Variants in EML6 observed in about 807,000 individuals in gnomAD.
The protein encoded by EML6 is EMAP like 6, also known as echinoderm microtubule-associated protein-like 6.
Under a neutral mutation model 240.1 loss-of-function variants are expected in EML6, and 154 were observed. The observed-to-expected ratio is 0.64, with a 90% CI of 0.56 to 0.73. The LOEUF is 0.73. EML6 is among the 30% of genes least tolerant of loss of function. The pLI is 0.00. For missense variants in EML6, 2,964 were observed against 2,474.6 expected (o/e 1.20, Z -4.20); for synonymous variants, 1,148 against 899.0 (o/e 1.28, Z -4.95).
rs115888402 is a variant in EML6, at chr2:54,929,658, C to A, written c.4004+907C>A. On this transcript the variant is annotated intron_variant, in intron 28 of 41. Transcript: ENST00000356458. ...AATAAGTCTGACCTATCACTTCTTA[C>A]TATTATGTGGGGTTTTAGATGCAAA... Among the ~76,000 whole-genome samples, 951 of 151,650 alleles carry A rather than the reference C, an allele frequency of 6.3e-3. 10 individuals are homozygous for A. Among genetic ancestry groups the A allele is most frequent in the African/African-American group, 0.022 (916 of 41,302 alleles).
chr2:54,969,957 G>C, intron 41 of EML6, 114 bp from the exon 42 acceptor site: 1 of 1,089,034 alleles, frequency 9.2e-7, no homozygotes, highest in Non-Finnish European at 1.4e-6. Context: ...AAGTCAAAAT[G>C]TTCAATACAT....
intron 6 of EML6, among the ~76,000 whole-genome samples, chr2:54,828,897 A>G (rs190417148): frequency 6.6e-6 from 1 of 152,348 alleles, no homozygotes; most frequent in African/African-American, 2.4e-5. Flanking sequence ...TTGTGAGCTC[A>G]CTGAGGTACA....
chr2:54,752,483 A>T (rs758330275), intron 2 of EML6, among the ~76,000 whole-genome samples: 2 of 152,180 alleles, frequency 1.3e-5, no homozygotes, highest in Non-Finnish European at 2.9e-5. Context: ...GATAACCACT[A>T]TTCTGACTCC....
chr2:54,747,056 A>G (rs1195587018), intron 2 of EML6: 1 of 152,240 alleles, frequency 6.6e-6, no homozygotes, highest in Non-Finnish European at 1.5e-5. Flanking sequence ...GCTCATTCAA[A>G]TCTTCATTTG....
intron 7 of EML6, among the ~76,000 whole-genome samples, chr2:54,840,810 C>G (rs1446259920): frequency 6.6e-6 from 1 of 152,212 alleles, no homozygotes; most frequent in Non-Finnish European, 1.5e-5. Flanking sequence ...TTCTATTCTA[C>G]TGAGAGGAAG....
chr2:54,818,098 A>G (rs115058881), intron 4 of EML6, among the ~76,000 whole-genome samples: 2,187 of 152,284 alleles, frequency 0.014, 33 homozygotes, highest in Non-Finnish European at 0.02. Flanking sequence ...GTCATTTTAT[A>G]TAGTCTGACC....
In EML6 at chr2:54,892,656, G is replaced by A; in HGVS notation, c.2742G>A (p.Lys914=). The change falls in exon 19 of 42, where the codon AAG becomes AAA. Residue 914 remains lysine (K), a splice_region_variant and synonymous_variant. Coordinates refer to ENST00000356458, the MANE Select transcript of EML6 (RefSeq NM_001039753.4). ...TGTTTGCTATGTATGCACTGGATAAGGTATGGCCTGTGTATCAGCATTCAT... is the reference window on the plus strand; with the variant it reads ...TGTTTGCTATGTATGCACTGGATAAAGTATGGCCTGTGTATCAGCATTCAT... ...GPVFAMYALD[K]GFVTGGKDGI... is the part of the protein sequence containing the mutation. 2 of 1,548,624 alleles carry A rather than the reference G, an allele frequency of 1.3e-6. No individual in the cohort carries two copies. Among genetic ancestry groups the A allele is most frequent in the Non-Finnish European group, 1.7e-6 (2 of 1,145,000 alleles).
intron 3 of EML6, 29 bp downstream of exon 3, chr2:54,813,420 T>G: frequency 6.5e-7 from 1 of 1,532,060 alleles, no homozygotes; most frequent in South Asian, 1.2e-5. Context: ...TTGTTTTATT[T>G]AATGACTTCT....
intron 40 of EML6, 83 bp from the exon 41 acceptor site, chr2:54,968,585 G>A (rs2104561699): frequency 2.4e-6 from 2 of 820,714 alleles, no homozygotes; most frequent in Admixed American, 2.0e-5. Context: ...TCTGGGAGCA[G>A]GGGATTTGAG....
rs143843057 is a variant in EML6 at position 54,932,517 on chromosome 2, C to A, written c.4004+3766C>A. 7.9e-5 allele frequency among the ~76,000 whole-genome samples: 12 copies of A among 152,280 alleles called. No homozygotes were observed. The Middle Eastern group carries it at 0.024, about 302-fold the overall frequency. On this transcript the variant is annotated intron_variant, in intron 28 of 41. Coordinates refer to ENST00000356458, the MANE Select transcript of EML6 (RefSeq NM_001039753.4). ...AAGTGCCACGCCCCAACCTGACACACCTCTTACTCTCAACTTTTGACCTTA... is the reference window on the plus strand; with the variant it reads ...AAGTGCCACGCCCCAACCTGACACAACTCTTACTCTCAACTTTTGACCTTA...
intron 2 of EML6, among the ~76,000 whole-genome samples, chr2:54,739,566 G>A (rs1466977025): frequency 1.3e-5 from 2 of 152,220 alleles, no homozygotes; most frequent in East Asian, 3.8e-4. Flanking sequence ...TACCCTGTGT[G>A]AGGCGCTGGG....
intron 14 of EML6, chr2:54,868,272 TAGTA>T (rs1671075704): frequency 6.6e-6 from 1 of 152,192 alleles, no homozygotes; most frequent in African/African-American, 2.4e-5. Flanking sequence ...TTATAGTTAT[TAGTA>T]AAGTCGACTA....
chr2:54,856,446 G>A (rs1427467733), intron 11 of EML6, among the ~76,000 whole-genome samples: 2 of 152,188 alleles, frequency 1.3e-5, no homozygotes, highest in Non-Finnish European at 2.9e-5. Context: ...TCCATGTCCT[G>A]ATAGCAAATG....
rs1398490903 is a variant in EML6 at position 54,962,644 on chromosome 2, C to T, written c.5090C>T (p.Pro1697Leu). ...EGEIWGLATH[P>L]SKDLFISASN... is the part of the protein sequence containing the mutation. ...GAGATCTGGGGCCTGGCCACTCACC[C>T]TTCCAAGGACCTCTTCATCTCTGCC... Residue 1697 changes from proline (P) to leucine (L), a missense_variant, in exon 36 of 42, where the codon CCT (proline) becomes CTT (leucine). Transcript: ENST00000356458. 6.5e-7 allele frequency: 1 copy of T among 1,541,822 alleles called. No homozygotes were observed.
intron 2 of EML6, among the ~76,000 whole-genome samples, chr2:54,802,656 A>ACTGCTACTG (rs1163527796): frequency 4.1e-4 from 53 of 127,814 alleles, no homozygotes; most frequent in African/African-American, 1.4e-3. Context: ...TACTACTACT[A>ACTGCTACTG]CTACTACTAC....
intron 7 of EML6, among the ~76,000 whole-genome samples, chr2:54,836,769 G>C (rs1313508087): frequency 6.6e-6 from 1 of 152,254 alleles, no homozygotes; most frequent in African/African-American, 2.4e-5. Flanking sequence ...ATTCCTAATC[G>C]TTTTTTAGCA....
At chr2:54,832,940 A>G (rs973028938) in intron 7 of EML6, among the ~76,000 whole-genome samples, 1 of 152,232 alleles carries the variant, frequency 6.6e-6, no homozygotes, top group Non-Finnish European at 1.5e-5. Context: ...TATAAGAACT[A>G]TCTTGATATA....
intron 2 of EML6, among the ~76,000 whole-genome samples, chr2:54,810,376 A>G (rs1364199500): frequency 6.6e-6 from 1 of 152,194 alleles, no homozygotes; most frequent in Non-Finnish European, 1.5e-5. Context: ...TTATTTGAAG[A>G]CTTGTTGAAA....
At chr2:54,788,924 A>G (rs11898747) in intron 2 of EML6, among the ~76,000 whole-genome samples, 51,624 of 152,072 alleles carry the variant, frequency 0.34, 9,055 homozygotes, top group East Asian at 0.48. Flanking sequence ...GCTGAATCCA[A>G]TGGTTAGTAA....
Sources: allele counts gnomAD v4.1 joint callset (sites outside exome capture counted in the v4.1 genomes callset), GRCh38; gene constraint gnomAD v4.1.1; transcripts MANE v1.5; gene names NCBI Gene and HGNC (gene_info 2026-07-23, HGNC 2026-07-21).